Variants in BCAP29 observed in about 807,000 individuals in gnomAD.
BCAP29 encodes B-cell receptor-associated protein 29.
Under a neutral mutation model 31.8 loss-of-function variants are expected in BCAP29, and 34 were observed. The observed-to-expected ratio is 1.07, with a 90% confidence interval of 0.81 to 1.42. The LOEUF (loss-of-function observed/expected upper bound fraction) is 1.42, where lower values mean the gene tolerates loss of function less well. Among genes scored for constraint, BCAP29 ranks in the 40% most tolerant of loss-of-function variants. The probability of loss-of-function intolerance (pLI) is 0.00; values close to 1 mark genes in which losing one functional copy is unlikely to be tolerated. For missense variants in BCAP29, 314 were observed against 269.2 expected (o/e 1.17, Z -1.16); for synonymous variants, 104 against 91.3 (o/e 1.14, Z -0.79).
chr7:107,590,915 A>G (rs1329349450), intron 3 of BCAP29, among the ~76,000 whole-genome samples: 1 of 152,222 alleles, frequency 6.6e-6, no homozygotes, highest in African/African-American at 2.4e-5. Flanking sequence ...TAGTGGGGTC[A>G]CAAAATACAG....
At chr7:107,581,004 A>C in intron 2 of BCAP29, 140 bp downstream of exon 2, 1 of 519,662 alleles carries the variant, frequency 1.9e-6, no homozygotes. Flanking sequence ...TATAATGACA[A>C]TATTAAAATA....
At chr7:107,595,776 A>G (rs961385714) in intron 4 of BCAP29, 91 bp from the exon 5 acceptor site, 60 of 1,368,944 alleles carry the variant, frequency 4.4e-5, no homozygotes, top group Non-Finnish European at 5.4e-5. Flanking sequence ...CACCACACCT[A>G]TATCTAATGG....
At chr7:107,603,667 G>A (rs989072664) in intron 6 of BCAP29, among the ~76,000 whole-genome samples, 3 of 145,392 alleles carry the variant, frequency 2.1e-5, no homozygotes, top group Non-Finnish European at 3.0e-5. Context: ...GTGCAGTGGT[G>A]CAGTCTTGGC....
chr7:107,622,238 A>G (rs148429040), downstream of BCAP29: 213 of 175,414 alleles, frequency 1.2e-3, 2 homozygotes, highest in Admixed American at 0.013. Context: ...CAAAAAAAAC[A>G]CTAATCATGT....
At chr7:107,614,883 T>C (rs1409287439) in intron 7 of BCAP29, among the ~76,000 whole-genome samples, 1 of 152,198 alleles carries the variant, frequency 6.6e-6, no homozygotes, top group African/African-American at 2.4e-5. Flanking sequence ...CATTGGGGCA[T>C]GATAATTATT....
At chr7:107,585,383 T>C (rs1481583358) in intron 3 of BCAP29, among the ~76,000 whole-genome samples, 3 of 152,214 alleles carry the variant, frequency 2.0e-5, no homozygotes, top group Admixed American at 1.3e-4. Context: ...TGTAAATATT[T>C]GTCTCATGGT....
intron 3 of BCAP29, among the ~76,000 whole-genome samples, chr7:107,586,040 T>A (rs1277329881): frequency 6.6e-6 from 1 of 152,030 alleles, no homozygotes; most frequent in Non-Finnish European, 1.5e-5. Context: ...AAGGAAAAAT[T>A]TGTAATAAAA....
intron 3 of BCAP29, chr7:107,587,707 G>A (rs941801762): frequency 6.6e-6 from 1 of 151,848 alleles, no homozygotes; most frequent in African/African-American, 2.4e-5. Flanking sequence ...TAGATAAAAT[G>A]TATAATTTTG....
intron 6 of BCAP29, among the ~76,000 whole-genome samples, chr7:107,602,820 A>G (rs1246407090): frequency 1.3e-5 from 2 of 152,108 alleles, no homozygotes; most frequent in Non-Finnish European, 2.9e-5. Context: ...TTTGTAAACT[A>G]TTACCGGTGC....
rs115358480 is a variant in BCAP29, at chr7:107,580,590, G to T, written c.-14-169G>T. The stretch of plus-strand genomic sequence containing the variant: ...GACTCCCAGGGAGGTGGCGACACCC[G>T]CTTCCCGGGCCACCCTTTTCCCCTT... On this transcript the variant is annotated intron_variant, in intron 1 of 7. Coordinates refer to ENST00000005259, the MANE Select transcript of BCAP29 (RefSeq NM_018844.4). 4.2e-3 allele frequency: 2,215 copies of T among 526,962 alleles called. 40 individuals carry two copies. Among genetic ancestry groups the T allele is most frequent in the African/African-American group, 0.04 (1,958 of 49,382 alleles). The allele number at this position is 526,962 out of a possible 1,614,324, so 32.6% of individuals were successfully genotyped here. A position where few individuals can be genotyped will look rare whatever the true frequency, so the allele number is the denominator to read the frequency against.
intron 6 of BCAP29, among the ~76,000 whole-genome samples, chr7:107,610,637 A>T (rs1016464351): frequency 6.6e-6 from 1 of 152,210 alleles, no homozygotes; most frequent in African/African-American, 2.4e-5. Context: ...ATACAAAATG[A>T]AATAAGAAAC....
At chr7:107,595,841 T>C in intron 4 of BCAP29, 26 bp from the exon 5 acceptor site, 2 of 1,588,350 alleles carry the variant, frequency 1.3e-6, no homozygotes, top group Non-Finnish European at 8.5e-7. Flanking sequence ...TGGCCAGTAA[T>C]ACATTATTCT....
chr7:107,604,568 C>T (rs1057466864), intron 6 of BCAP29, among the ~76,000 whole-genome samples: 3 of 151,934 alleles, frequency 2.0e-5, no homozygotes, highest in African/African-American at 7.2e-5. Context: ...TTTTTGTGGA[C>T]GTGAACTTAG....
At chr7:107,610,559 G>A (rs1053219311) in intron 6 of BCAP29, among the ~76,000 whole-genome samples, 2 of 152,146 alleles carry the variant, frequency 1.3e-5, no homozygotes, top group Admixed American at 6.5e-5. Context: ...TCCAAGATGT[G>A]TCTAGACAAT....
At chr7:107,583,663 G>A (rs1315058725) in intron 2 of BCAP29, among the ~76,000 whole-genome samples, 1 of 152,054 alleles carries the variant, frequency 6.6e-6, no homozygotes, top group Non-Finnish European at 1.5e-5. Flanking sequence ...TAAGCCACCA[G>A]ACAGAGGATA....
intron 3 of BCAP29, 49 bp from the exon 4 acceptor site, chr7:107,593,906 C>G (rs73189577): frequency 0.05 from 77,165 of 1,534,616 alleles, 2,017 homozygotes; most frequent in Non-Finnish European, 0.057. Flanking sequence ...TTTTAACAAG[C>G]TTATATTCGT....
At chr7:107,609,583 C>T (rs769859281) in intron 6 of BCAP29, among the ~76,000 whole-genome samples, 3 of 152,110 alleles carry the variant, frequency 2.0e-5, no homozygotes, top group South Asian at 2.1e-4. Context: ...ATGAATAAAA[C>T]GTAAATCTTT....
intron 3 of BCAP29, among the ~76,000 whole-genome samples, chr7:107,585,805 A>G (rs1009265985): frequency 2.2e-4 from 34 of 152,180 alleles, no homozygotes; most frequent in Non-Finnish European, 1.0e-4. Flanking sequence ...AGCTTGGCCA[A>G]CGTGGTGAAA....
intron 3 of BCAP29, among the ~76,000 whole-genome samples, chr7:107,588,532 G>C (rs143559713): frequency 1.3e-5 from 2 of 152,024 alleles, no homozygotes; most frequent in Non-Finnish European, 2.9e-5. Flanking sequence ...GATAAAATAC[G>C]AAAAAAGGTA....
Sources: allele counts gnomAD v4.1 joint callset (sites outside exome capture counted in the v4.1 genomes callset), GRCh38; gene constraint gnomAD v4.1.1; transcripts MANE v1.5; gene names NCBI Gene and HGNC (gene_info 2026-07-23, HGNC 2026-07-21).